Variants in ADGRL2 observed in about 807,000 individuals in gnomAD.
The protein encoded by ADGRL2 is calcium-independent alpha-latrotoxin receptor 2.
A neutral mutation model predicts 157.4 loss-of-function variants in ADGRL2; 44 were observed. That is an observed-to-expected ratio of 0.28 (90% CI 0.22 to 0.36). The LOEUF (loss-of-function observed/expected upper bound fraction) is 0.36, where lower values mean the gene tolerates loss of function less well. ADGRL2 is among the 10% of genes least tolerant of loss of function. The pLI is 1.00. For synonymous variants in ADGRL2, 585 were observed against 624.7 expected, an observed-to-expected ratio of 0.94 and a Z score of 0.95; for missense variants, 1,510 against 1,768.9, an observed-to-expected ratio of 0.85 and a Z score of 2.63.
chr1:81,577,328 CT>C (rs2080818067), intron 2 of ADGRL2, among the ~76,000 whole-genome samples: 1 of 152,224 alleles, frequency 6.6e-6, no homozygotes, highest in Non-Finnish European at 1.5e-5. Context: ...CCCTTCTACT[CT>C]TGTACTCCTT....
intron 1 of ADGRL2, among the ~76,000 whole-genome samples, chr1:81,384,434 G>T (rs2076399647): frequency 6.6e-6 from 1 of 152,122 alleles, no homozygotes; most frequent in African/African-American, 2.4e-5. Context: ...CTCATTACCT[G>T]GTTGGGGAGT....
intron 1 of ADGRL2, among the ~76,000 whole-genome samples, chr1:81,398,403 A>G (rs2101214883): frequency 6.6e-6 from 1 of 152,020 alleles, no homozygotes; most frequent in South Asian, 2.1e-4. Context: ...CATTTAAATC[A>G]TTGCAGTTTG....
At chr1:81,581,872 G>GCGCA (rs10544330) in intron 3 of ADGRL2, among the ~76,000 whole-genome samples, 1 of 85,286 alleles carries the variant, frequency 1.2e-5, no homozygotes, top group Non-Finnish European at 2.5e-5. Flanking sequence ...ACACACATGC[G>GCGCA]CGCACACACA....
chr1:81,878,310 G>A (rs1429085979), intron 2 of ADGRL2, among the ~76,000 whole-genome samples: 1 of 151,410 alleles, frequency 6.6e-6, no homozygotes, highest in Non-Finnish European at 1.5e-5. Flanking sequence ...AATTATATGA[G>A]AAGAATTGAT....
intron 2 of ADGRL2, among the ~76,000 whole-genome samples, chr1:81,559,723 TTA>T (rs1188611009): frequency 6.6e-6 from 1 of 152,182 alleles, no homozygotes; most frequent in African/African-American, 2.4e-5. Flanking sequence ...AGTGCAGGTG[TTA>T]TGTTTTTCAT....
chr1:81,762,920 T>G (rs1282162918), intron 2 of ADGRL2, among the ~76,000 whole-genome samples: 8 of 151,516 alleles, frequency 5.3e-5, no homozygotes, highest in Admixed American at 5.3e-4. Context: ...GGTGTGGTGG[T>G]GAGCCCCTGT....
chr1:81,933,159 A>G (rs1290095715), intron 3 of ADGRL2, among the ~76,000 whole-genome samples: 4 of 152,210 alleles, frequency 2.6e-5, no homozygotes, highest in Admixed American at 6.5e-5. Context: ...GAAGTGTTCA[A>G]AATATATTCT....
chr1:81,384,588 A>C (rs1266235390), intron 1 of ADGRL2, among the ~76,000 whole-genome samples: 1 of 152,198 alleles, frequency 6.6e-6, no homozygotes, highest in Non-Finnish European at 1.5e-5. Flanking sequence ...GTAAAATAAC[A>C]GGTTTATAAC....
chr1:81,960,078 G>T (rs1225705037), intron 11 of ADGRL2, among the ~76,000 whole-genome samples: 1 of 152,062 alleles, frequency 6.6e-6, no homozygotes, highest in Middle Eastern at 3.2e-3. Flanking sequence ...GGGATTACAG[G>T]CATGAACCAC....
intron 3 of ADGRL2, among the ~76,000 whole-genome samples, chr1:81,603,594 G>A (rs1215363447): frequency 1.3e-5 from 2 of 152,132 alleles, no homozygotes; most frequent in Non-Finnish European, 2.9e-5. Flanking sequence ...ATTTCACAGT[G>A]TCATCCATTC....
intron 2 of ADGRL2, among the ~76,000 whole-genome samples, chr1:81,569,845 C>T (rs775121510): frequency 4.0e-5 from 6 of 151,816 alleles, no homozygotes; most frequent in Non-Finnish European, 7.4e-5. Context: ...AAAATTAAAC[C>T]AAAAAAGATG....
intron 3 of ADGRL2, among the ~76,000 whole-genome samples, chr1:81,647,495 A>G (rs576917859): frequency 6.6e-6 from 1 of 152,280 alleles, no homozygotes; most frequent in Non-Finnish European, 1.5e-5. Flanking sequence ...CAGTTTATTC[A>G]GTGTCCCCAG....
intron 20 of ADGRL2, among the ~76,000 whole-genome samples, chr1:81,984,913 A>G (rs556685706): frequency 3.7e-4 from 57 of 152,002 alleles, no homozygotes; most frequent in African/African-American, 1.3e-3. Flanking sequence ...TTTTGTGGAG[A>G]GTTATTTAAG....
intron 2 of ADGRL2, chr1:81,501,787 G>T (rs944210449): frequency 1.3e-6 from 2 of 1,593,610 alleles, no homozygotes; most frequent in Non-Finnish European, 1.7e-6. Flanking sequence ...CACTTCAGCA[G>T]CAGCAGCAGC....
intron 2 of ADGRL2, among the ~76,000 whole-genome samples, chr1:81,556,862 G>T (rs2080291604): frequency 6.6e-6 from 1 of 151,860 alleles, no homozygotes; most frequent in African/African-American, 2.4e-5. Context: ...TGGATCACGA[G>T]GTCAGGAGTT....
chr1:81,853,785 A>G (rs1270531963), intron 2 of ADGRL2, among the ~76,000 whole-genome samples: 1 of 152,138 alleles, frequency 6.6e-6, no homozygotes. Context: ...TTTCTAAGAA[A>G]TTGTTTCATA....
At chr1:81,322,157 T>C (rs1266393095) in intron 1 of ADGRL2, among the ~76,000 whole-genome samples, 2 of 147,294 alleles carry the variant, frequency 1.4e-5, no homozygotes, top group South Asian at 2.1e-4. Flanking sequence ...TACATATACA[T>C]ACACACATAT....
intron 1 of ADGRL2, among the ~76,000 whole-genome samples, chr1:81,377,032 A>AT (rs890219845): frequency 6.6e-6 from 1 of 151,810 alleles, no homozygotes; most frequent in African/African-American, 2.4e-5. Context: ...TCCAAAAAAA[A>AT]TTTTTTTTTA....
intron 1 of ADGRL2, among the ~76,000 whole-genome samples, chr1:81,321,013 G>A (rs1446908593): frequency 6.6e-6 from 1 of 152,104 alleles, no homozygotes; most frequent in Non-Finnish European, 1.5e-5. Context: ...TATCTTTTTA[G>A]CATAGCCACC....
Sources: gnomAD v4.1 joint callset for allele counts (sites outside exome capture counted in the v4.1 genomes callset) on GRCh38, gnomAD v4.1.1 for gene constraint, MANE v1.5 for transcripts, NCBI Gene and HGNC (gene_info 2026-07-23, HGNC 2026-07-21) for gene names.